GLI3: variants seen among roughly 807,000 people sequenced by gnomAD.
The protein encoded by GLI3 is GLI family zinc finger 3.
In GLI3, 20 loss-of-function variants were observed where a neutral mutation model predicts 100.8. The observed-to-expected ratio is 0.20, with a 90% CI of 0.14 to 0.29. The LOEUF (loss-of-function observed/expected upper bound fraction) is 0.29, where lower values mean the gene tolerates loss of function less well. Among genes scored for constraint, GLI3 ranks in the 10% least tolerant of loss-of-function variants. The probability of loss-of-function intolerance (pLI) is 1.00; values close to 1 mark genes in which losing one functional copy is unlikely to be tolerated. For synonymous variants in GLI3, 938 were observed against 860.5 expected, an observed-to-expected ratio of 1.09 and a Z score of -1.58; for missense variants, 2,040 against 2,128.5, an observed-to-expected ratio of 0.96 and a Z score of 0.82.
chr7:42,018,399 G>A (rs1019902836), intron 10 of GLI3, among the ~76,000 whole-genome samples: 6 of 152,026 alleles, frequency 3.9e-5, no homozygotes, highest in Admixed American at 1.3e-4. Flanking sequence ...GACCCCTATC[G>A]CATCTTAAAC....
At chr7:42,184,134 G>C (rs1787672986) in intron 2 of GLI3, among the ~76,000 whole-genome samples, 1 of 152,222 alleles carries the variant, frequency 6.6e-6, no homozygotes, top group Admixed American at 6.5e-5. Context: ...CTCTCTAGGA[G>C]GTGCCCTCTC....
At chr7:42,064,388 G>A (rs1191194191) in intron 4 of GLI3, among the ~76,000 whole-genome samples, 1 of 152,190 alleles carries the variant, frequency 6.6e-6, no homozygotes, top group Non-Finnish European at 1.5e-5. Context: ...AACAAGGCCT[G>A]CAGAGATGAC....
At chr7:42,195,961 TC>T (rs1217888847) in intron 2 of GLI3, among the ~76,000 whole-genome samples, 3 of 152,218 alleles carry the variant, frequency 2.0e-5, no homozygotes, top group African/African-American at 7.2e-5. Flanking sequence ...CCTTTTTTGA[TC>T]ATTTTTCATA....
intron 13 of GLI3, among the ~76,000 whole-genome samples, chr7:41,968,630 G>A (rs1190147821): frequency 6.6e-6 from 1 of 150,502 alleles, no homozygotes; most frequent in Non-Finnish European, 1.5e-5. Context: ...AAGCAGTTGA[G>A]AGAGGTAAAA....
Position 42,102,263 on chromosome 7 carries a change from T to A in GLI3, c.368-25406A>T, listed in dbSNP as rs116833645. ...CTAGATCCCTGAGGAATCATTTTTT[T>A]AAAAAATCCATGAGCCTCACTGCCC... On this transcript the variant is annotated intron_variant, in intron 3 of 14. Transcript: ENST00000395925. Among the ~76,000 whole-genome samples the A allele has an allele frequency of 9.1e-3, 1,391 of 152,278 alleles. 17 individuals carry two copies. The highest frequency in any genetic ancestry group is 0.03 in the African/African-American group (1,262 of 41,538).
intron 4 of GLI3, among the ~76,000 whole-genome samples, chr7:42,061,114 T>C (rs1784559450): frequency 6.6e-6 from 1 of 152,216 alleles, no homozygotes; most frequent in South Asian, 2.1e-4. Context: ...CTTCAGGTAC[T>C]AGGTGGATAT....
intron 2 of GLI3, among the ~76,000 whole-genome samples, chr7:42,154,283 C>T (rs3801206): frequency 0.14 from 21,306 of 151,916 alleles, 1,635 homozygotes; most frequent in South Asian, 0.19. Flanking sequence ...CCCCCTACCA[C>T]GCGCAAAGAT....
At chr7:42,159,125 A>C (rs1247411605) in intron 2 of GLI3, among the ~76,000 whole-genome samples, 11 of 152,146 alleles carry the variant, frequency 7.2e-5, no homozygotes, top group Non-Finnish European at 1.5e-4. Context: ...TATTTTGCAA[A>C]AAAACAAAAC....
intron 2 of GLI3, among the ~76,000 whole-genome samples, chr7:42,194,759 C>CTCTTTTT (rs1787894144): frequency 1.8e-5 from 2 of 108,948 alleles, no homozygotes; most frequent in Non-Finnish European, 3.5e-5. Flanking sequence ...CTCTCTGTCT[C>CTCTTTTT]TTTTTTTTTT....
chr7:42,197,580 G>A (rs900774380), intron 2 of GLI3, among the ~76,000 whole-genome samples: 5 of 152,192 alleles, frequency 3.3e-5, no homozygotes, highest in Non-Finnish European at 7.3e-5. Flanking sequence ...AAAACCAAAT[G>A]AAATGTCGTG....
At chr7:42,027,178 G>C in intron 7 of GLI3, among the ~76,000 whole-genome samples, 1 of 152,194 alleles carries the variant, frequency 6.6e-6, no homozygotes, top group Admixed American at 6.5e-5. Flanking sequence ...TGAGGAAGCA[G>C]TGATAATACC....
At chr7:42,135,208 G>GTCCCC (rs1786397309) in intron 3 of GLI3, among the ~76,000 whole-genome samples, 1 of 152,072 alleles carries the variant, frequency 6.6e-6, no homozygotes, top group Non-Finnish European at 1.5e-5. Flanking sequence ...ACTGTGTGTG[G>GTCCCC]AGCTCAATTA....
In GLI3 at chr7:42,022,310, G is replaced by T. The variant is rs557120779; in HGVS notation, c.1497+1158C>A. On this transcript the variant is annotated intron_variant, in intron 10 of 14. Transcript: ENST00000395925. ...TGGAATACATTACATGGGATGCGCC[G>T]AGTTGCAAGAGACACACATTAAAAG... Among the ~76,000 whole-genome samples, 17 of 152,154 alleles carry T rather than the reference G, an allele frequency of 1.1e-4. No individual in the cohort carries two copies. In the South Asian group the frequency reaches 1.7e-3, roughly 15 times the overall value.
intron 2 of GLI3, chr7:42,152,517 G>A (rs903555311): frequency 4.6e-6 from 3 of 650,514 alleles, no homozygotes; most frequent in Admixed American, 6.3e-5. Flanking sequence ...AAAAGTGGTT[G>A]GAGCCATGCT....
chr7:42,094,746 T>A (rs1430504820), intron 3 of GLI3, among the ~76,000 whole-genome samples: 2 of 145,358 alleles, frequency 1.4e-5, no homozygotes, highest in Admixed American at 6.9e-5. Flanking sequence ...AAAAAAAAAA[T>A]TAATTAAAAA....
chr7:42,116,590 T>C (rs939355703), intron 3 of GLI3, among the ~76,000 whole-genome samples: 5 of 152,148 alleles, frequency 3.3e-5, no homozygotes, highest in African/African-American at 4.8e-5. Flanking sequence ...TTTTATTATA[T>C]GAACAACTTA....
intron 3 of GLI3, among the ~76,000 whole-genome samples, chr7:42,135,356 A>G (rs1037131023): frequency 3.3e-4 from 51 of 152,314 alleles, no homozygotes; most frequent in African/African-American, 1.1e-3. Context: ...AAAAGTCTCA[A>G]TGTTGCCTTT....
chr7:42,050,394 C>G (rs1310175244), intron 4 of GLI3, among the ~76,000 whole-genome samples: 1 of 152,172 alleles, frequency 6.6e-6, no homozygotes, highest in African/African-American at 2.4e-5. Context: ...ATTAGTCTTT[C>G]CTATTTTAGC....
At chr7:42,127,946 G>A (rs1458283243) in intron 3 of GLI3, among the ~76,000 whole-genome samples, 2 of 150,734 alleles carry the variant, frequency 1.3e-5, no homozygotes, top group Admixed American at 1.3e-4. Context: ...CAGGAGGCAG[G>A]AGGCGGAAGT....
Sources: gnomAD v4.1 joint callset for allele counts (sites outside exome capture counted in the v4.1 genomes callset) on GRCh38, gnomAD v4.1.1 for gene constraint, MANE v1.5 for transcripts, NCBI Gene and HGNC (gene_info 2026-07-23, HGNC 2026-07-21) for gene names.